CDC42SE2: variants seen among roughly 807,000 people sequenced by gnomAD.
CDC42SE2 encodes the protein CDC42 small effector protein 2.
CDC42SE2 carries 3 observed loss-of-function variants against 11.5 expected under a neutral mutation model. The observed-to-expected ratio is 0.26, with a 90% CI of 0.12 to 0.67. CDC42SE2 has a LOEUF of 0.67. Among genes scored for constraint, CDC42SE2 ranks in the 30% least tolerant of loss-of-function variants. The probability of loss-of-function intolerance (pLI) is 0.80; values close to 1 mark genes in which losing one functional copy is unlikely to be tolerated. For synonymous variants in CDC42SE2, 33 were observed against 34.8 expected (o/e 0.95, Z 0.18); for missense variants, 82 against 106.8 (o/e 0.77, Z 1.02).
chr5:131,303,454 G>T (rs1757723268), intron 1 of CDC42SE2, among the ~76,000 whole-genome samples: 1 of 152,174 alleles, frequency 6.6e-6, no homozygotes. Context: ...AAATGTTACT[G>T]GAAGACCTAT....
At chr5:131,233,909 C>A in the CDC42SE2 span, among the ~76,000 whole-genome samples, 1 of 152,164 alleles carries the variant, frequency 6.6e-6, no homozygotes, top group African/African-American at 2.4e-5. Flanking sequence ...ACCTTGAAAG[C>A]CTCATGTTGA....
At chr5:131,245,819 T>G (rs1301499137) in intron 1 of CDC42SE2, among the ~76,000 whole-genome samples, 1 of 152,248 alleles carries the variant, frequency 6.6e-6, no homozygotes, top group African/African-American at 2.4e-5. Context: ...TTATGTTTTA[T>G]CTTTAACCAT....
chr5:131,293,353 C>T (rs1235522897), intron 1 of CDC42SE2, among the ~76,000 whole-genome samples: 1 of 152,170 alleles, frequency 6.6e-6, no homozygotes, highest in Non-Finnish European at 1.5e-5. Flanking sequence ...AGGCAGATCA[C>T]CTGAGGTCAG....
At chr5:131,366,519 G>GAGTT (rs777224159) in intron 3 of CDC42SE2, among the ~76,000 whole-genome samples, 24 of 152,154 alleles carry the variant, frequency 1.6e-4, no homozygotes, top group Non-Finnish European at 3.2e-4. Flanking sequence ...GTTGAGAATG[G>GAGTT]AGTTGATCTT....
At chr5:131,349,878 A>G (rs1206601589) in intron 2 of CDC42SE2, among the ~76,000 whole-genome samples, 1 of 152,214 alleles carries the variant, frequency 6.6e-6, no homozygotes, top group Non-Finnish European at 1.5e-5. Flanking sequence ...CTAGGAAGGT[A>G]GGGTTAATGG....
the CDC42SE2 span, among the ~76,000 whole-genome samples, chr5:131,226,059 G>A: frequency 4.6e-5 from 7 of 152,312 alleles, no homozygotes; most frequent in East Asian, 1.4e-3. Context: ...ACCTGGAACC[G>A]AAGGATAATT....
At chr5:131,226,248 G>A in the CDC42SE2 span, among the ~76,000 whole-genome samples, 1 of 152,220 alleles carries the variant, frequency 6.6e-6, no homozygotes, top group Non-Finnish European at 1.5e-5. Context: ...ACAGTCTACT[G>A]AAGTCTCACT....
chr5:131,314,978 A>G (rs1758009081), intron 1 of CDC42SE2, among the ~76,000 whole-genome samples: 1 of 152,178 alleles, frequency 6.6e-6, no homozygotes, highest in South Asian at 2.1e-4. Context: ...AATTCTAAGA[A>G]TCTGTTCAAG....
At chr5:131,350,700 G>A (rs1035441502) in intron 2 of CDC42SE2, among the ~76,000 whole-genome samples, 1 of 151,476 alleles carries the variant, frequency 6.6e-6, no homozygotes, top group African/African-American at 2.4e-5. Context: ...AATAAATGCA[G>A]TCCCAATCAG....
chr5:131,314,009 G>C (rs1472385421), intron 1 of CDC42SE2, among the ~76,000 whole-genome samples: 1 of 151,924 alleles, frequency 6.6e-6, no homozygotes, highest in Non-Finnish European at 1.5e-5. Flanking sequence ...TAGGATTTTA[G>C]AATAAACATG....
At chr5:131,304,678 A>G (rs1026773598) in intron 1 of CDC42SE2, among the ~76,000 whole-genome samples, 1 of 152,182 alleles carries the variant, frequency 6.6e-6, no homozygotes, top group South Asian at 2.1e-4. Flanking sequence ...ATTATATTAT[A>G]CTAGGTTAGT....
intron 2 of CDC42SE2, among the ~76,000 whole-genome samples, chr5:131,332,505 A>G (rs1169533575): frequency 3.3e-5 from 5 of 152,094 alleles, no homozygotes; most frequent in Non-Finnish European, 7.4e-5. Flanking sequence ...GCTGGATCAA[A>G]TGGTATTTCT....
chr5:131,350,783 C>G (rs1210127598), intron 2 of CDC42SE2, among the ~76,000 whole-genome samples: 2 of 151,778 alleles, frequency 1.3e-5, no homozygotes, highest in African/African-American at 2.4e-5. Flanking sequence ...TGCAAAGGAC[C>G]TAGAAAACTA....
rs1215042002 is a variant in CDC42SE2 at position 131,393,014 on chromosome 5, C to T, written c.*1923C>T. 6.6e-6 allele frequency: 1 copy of T among 152,274 alleles called. No individual in the cohort carries two copies. Among genetic ancestry groups the T allele is most frequent in the Non-Finnish European group, 1.5e-5 (1 of 68,008 alleles). 9.4% of individuals were successfully genotyped at this position (152,274 alleles called of 1,614,324 possible). ...GTCCTTGCACGAATTTTGTATATTT[C>T]AAATATTTCTGTAAAGGTTTCTTCT... On this transcript the variant is annotated 3_prime_UTR_variant, in exon 5 of 5. Transcript: ENST00000505065.
intron 1 of CDC42SE2, among the ~76,000 whole-genome samples, chr5:131,301,006 T>G (rs1019859614): frequency 6.6e-6 from 1 of 152,220 alleles, no homozygotes; most frequent in Admixed American, 6.5e-5. Context: ...CGTTTTATAG[T>G]TAGTGAAACC....
upstream of CDC42SE2, among the ~76,000 whole-genome samples, chr5:131,263,081 C>T (rs1051032818): frequency 6.7e-6 from 1 of 149,904 alleles, no homozygotes; most frequent in African/African-American, 2.5e-5. Context: ...TATAGGTACA[C>T]GCCAACACAC....
Position 131,359,440 on chromosome 5 carries a change from C to G in CDC42SE2, c.-54C>G. The G allele has an allele frequency of 7.3e-7, 1 of 1,363,132 alleles. No individual in the cohort carries two copies. Among genetic ancestry groups the G allele is most frequent in the African/African-American group, 1.4e-5 (1 of 70,308 alleles). 84.4% of individuals were successfully genotyped at this position (1,363,132 alleles called of 1,614,324 possible). On this transcript the variant is annotated 5_prime_UTR_variant, in exon 3 of 5. Coordinates refer to ENST00000505065, the MANE Select transcript of CDC42SE2 (RefSeq NM_001375635.1). ...ATTGAGGAGCGTATTTTTGGAACTT[C>G]CCGAGTTGAGATTTGGAACCTTCAT... is the stretch of plus-strand genomic sequence containing the variant.
At chr5:131,327,104 A>C (rs983680238) in intron 2 of CDC42SE2, among the ~76,000 whole-genome samples, 1 of 152,104 alleles carries the variant, frequency 6.6e-6, no homozygotes, top group Non-Finnish European at 1.5e-5. Flanking sequence ...ATTGGGTTTA[A>C]TTTTCATCCC....
intron 1 of CDC42SE2, among the ~76,000 whole-genome samples, chr5:131,289,134 A>G (rs1276151627): frequency 6.6e-6 from 1 of 152,266 alleles, no homozygotes; most frequent in African/African-American, 2.4e-5. Flanking sequence ...TCTGTTGTAT[A>G]TGTTTTTACA....
Sources: allele counts gnomAD v4.1 joint callset (sites outside exome capture counted in the v4.1 genomes callset), GRCh38; gene constraint gnomAD v4.1.1; transcripts MANE v1.5; gene names NCBI Gene and HGNC (gene_info 2026-07-23, HGNC 2026-07-21).